UNC5D: variants seen among roughly 807,000 people sequenced by gnomAD.
The protein encoded by UNC5D is netrin receptor UNC5D.
UNC5D carries 39 observed loss-of-function variants against 105.4 expected under a neutral mutation model. The ratio of observed to expected loss-of-function variants is 0.37; its 90% CI spans 0.29 to 0.48. The LOEUF is 0.48. Ranked by LOEUF, UNC5D falls within the 20% of genes least tolerant of loss-of-function variation. The pLI is 0.98. For missense variants in UNC5D, 991 were observed against 1,202.4 expected (o/e 0.82, Z 2.60); for synonymous variants, 452 against 450.4 (o/e 1.00, Z -0.04).
intron 4 of UNC5D, among the ~76,000 whole-genome samples, chr8:35,597,273 G>A (rs148967909): frequency 1.3e-5 from 2 of 152,084 alleles, no homozygotes; most frequent in African/African-American, 4.8e-5. Flanking sequence ...GATTAGAAAG[G>A]AAAATGCTTA....
intron 1 of UNC5D, among the ~76,000 whole-genome samples, chr8:35,542,094 A>C (rs962265584): frequency 6.6e-6 from 1 of 152,250 alleles, no homozygotes; most frequent in Non-Finnish European, 1.5e-5. Context: ...ACGCAATGAT[A>C]TAAAACGCTT....
At chr8:35,420,116 G>A (rs1212196748) in intron 1 of UNC5D, among the ~76,000 whole-genome samples, 1 of 152,142 alleles carries the variant, frequency 6.6e-6, no homozygotes, top group Non-Finnish European at 1.5e-5. Context: ...TTGGTTTGAA[G>A]GTGAGATTTC....
intron 4 of UNC5D, among the ~76,000 whole-genome samples, chr8:35,625,472 G>C (rs1010565769): frequency 2.0e-5 from 3 of 152,334 alleles, no homozygotes; most frequent in African/African-American, 7.2e-5. Context: ...AAAGTTGCAA[G>C]TATCACTAAA....
intron 13 of UNC5D, among the ~76,000 whole-genome samples, chr8:35,757,228 C>T (rs897569887): frequency 6.6e-6 from 1 of 152,054 alleles, no homozygotes; most frequent in East Asian, 1.9e-4. Flanking sequence ...AGTTTTAATG[C>T]ACCTTAAAAC....
chr8:35,656,609 C>G (rs749306042), intron 4 of UNC5D, among the ~76,000 whole-genome samples: 6 of 152,078 alleles, frequency 3.9e-5, no homozygotes, highest in Admixed American at 3.9e-4. Context: ...ATTGAACCTC[C>G]GTAATGCAAA....
At chr8:35,519,490 A>G (rs1003601347) in intron 1 of UNC5D, among the ~76,000 whole-genome samples, 2 of 152,124 alleles carry the variant, frequency 1.3e-5, no homozygotes, top group African/African-American at 4.8e-5. Context: ...GCCTCTTGAT[A>G]TGTTGTACAA....
chr8:35,401,432 C>T (rs942087485), intron 1 of UNC5D, among the ~76,000 whole-genome samples: 2 of 152,062 alleles, frequency 1.3e-5, no homozygotes, highest in African/African-American at 4.8e-5. Flanking sequence ...TGCAGTGAGC[C>T]GAGATCCGGC....
At chr8:35,675,051 A>G (rs1315601288) in intron 4 of UNC5D, among the ~76,000 whole-genome samples, 1 of 152,190 alleles carries the variant, frequency 6.6e-6, no homozygotes, top group African/African-American at 2.4e-5. Context: ...ATAGTGTGAA[A>G]AAAATATTTA....
At chr8:35,400,421 C>G (rs1168530219) in intron 1 of UNC5D, among the ~76,000 whole-genome samples, 1 of 152,064 alleles carries the variant, frequency 6.6e-6, no homozygotes, top group African/African-American at 2.4e-5. Context: ...CCATCAAGCT[C>G]CTCATTATCC....
At chr8:35,708,954 A>G (rs1827771835) in intron 8 of UNC5D, among the ~76,000 whole-genome samples, 1 of 152,128 alleles carries the variant, frequency 6.6e-6, no homozygotes, top group Admixed American at 6.5e-5. Flanking sequence ...GGAACAGTAT[A>G]CCATCAACTC....
intron 1 of UNC5D, among the ~76,000 whole-genome samples, chr8:35,377,929 T>C (rs543378669): frequency 6.6e-6 from 1 of 152,346 alleles, no homozygotes; most frequent in African/African-American, 2.4e-5. Flanking sequence ...TCCTTCATTC[T>C]CTCACCATAT....
chr8:35,458,961 T>C (rs1808687963), intron 1 of UNC5D, among the ~76,000 whole-genome samples: 1 of 152,178 alleles, frequency 6.6e-6, no homozygotes, highest in Non-Finnish European at 1.5e-5. Context: ...ATTTTAATTA[T>C]CTAAGTATAA....
At chr8:35,533,358 C>A (rs12544954) in intron 1 of UNC5D, among the ~76,000 whole-genome samples, 1 of 151,722 alleles carries the variant, frequency 6.6e-6, no homozygotes, top group Admixed American at 6.6e-5. Flanking sequence ...TTAGGCTGCT[C>A]GGGGGTCAGG....
chr8:35,658,079 A>G (rs1823882266), intron 4 of UNC5D, among the ~76,000 whole-genome samples: 1 of 152,214 alleles, frequency 6.6e-6, no homozygotes, highest in African/African-American at 2.4e-5. Context: ...TTTAATATCT[A>G]ATCCCTAACA....
At chr8:35,483,175 G>C (rs999734975) in intron 1 of UNC5D, among the ~76,000 whole-genome samples, 1 of 151,878 alleles carries the variant, frequency 6.6e-6, no homozygotes, top group Admixed American at 6.6e-5. Flanking sequence ...TGGGAGTTTT[G>C]AATCTTGGTG....
chr8:35,763,588 T>C lies in UNC5D; in HGVS notation c.2314-3314T>C, dbSNP rs906343439. The stretch of plus-strand genomic sequence containing the variant: ...TCCAAGTGCTTGCATTACACTATAA[T>C]AACTCAAATTTCAATTTTAGGAAAC... On this transcript the variant is annotated intron_variant, in intron 14 of 16. Coordinates refer to ENST00000404895, the MANE Select transcript of UNC5D (RefSeq NM_080872.4). Among the ~76,000 whole-genome samples the C allele has an allele frequency of 3.3e-5, 5 of 152,168 alleles. No individual in the cohort carries two copies. The South Asian group carries it at 1.0e-3, about 32-fold the overall frequency.
intron 1 of UNC5D, among the ~76,000 whole-genome samples, chr8:35,495,518 A>G (rs1246326527): frequency 2.6e-5 from 4 of 151,964 alleles, no homozygotes; most frequent in East Asian, 3.9e-4. Flanking sequence ...AAAGTTTACA[A>G]ATTTGTGTTG....
intron 1 of UNC5D, among the ~76,000 whole-genome samples, chr8:35,521,999 C>A (rs1447739244): frequency 6.6e-6 from 1 of 152,102 alleles, no homozygotes; most frequent in African/African-American, 2.4e-5. Flanking sequence ...AGATACTGAA[C>A]TTAACATCCC....
intron 1 of UNC5D, among the ~76,000 whole-genome samples, chr8:35,308,767 C>T (rs183976712): frequency 1.4e-3 from 209 of 152,170 alleles, no homozygotes; most frequent in African/African-American, 4.7e-3. Flanking sequence ...CTTTAAGCAC[C>T]TGTAAGCCTT....
Sources: allele counts gnomAD v4.1 joint callset (sites outside exome capture counted in the v4.1 genomes callset), GRCh38; gene constraint gnomAD v4.1.1; transcripts MANE v1.5; gene names NCBI Gene and HGNC (gene_info 2026-07-23, HGNC 2026-07-21).